TUSC3: variants seen among roughly 807,000 people sequenced by gnomAD.
The protein encoded by TUSC3 is tumor suppressor candidate 3, also known as dolichyl-diphosphooligosaccharide--protein glycosyltransferase subunit TUSC3.
In TUSC3, 45 loss-of-function variants were observed where a neutral mutation model predicts 44.8. The ratio of observed to expected loss-of-function variants is 1.00; its 90% confidence interval spans 0.79 to 1.29. The LOEUF is 1.29. Ranked by LOEUF, TUSC3 falls within the 50% of genes most tolerant of loss-of-function variation. The probability of loss-of-function intolerance (pLI) is 0.00; values close to 1 mark genes in which losing one functional copy is unlikely to be tolerated. For synonymous variants in TUSC3, 212 were observed against 152.9 expected, an observed-to-expected ratio of 1.39 and a Z score of -2.85; for missense variants, 519 against 437.9, an observed-to-expected ratio of 1.19 and a Z score of -1.65.
chr8:15,694,270 C>T (rs971258212), intron 6 of TUSC3, among the ~76,000 whole-genome samples: 4 of 151,830 alleles, frequency 2.6e-5, no homozygotes, highest in African/African-American at 7.3e-5. Flanking sequence ...TGGTGAAACC[C>T]TGTCTCTACT....
At chr8:15,588,197 C>A (rs550558156) in intron 1 of TUSC3, among the ~76,000 whole-genome samples, 4 of 152,084 alleles carry the variant, frequency 2.6e-5, no homozygotes, top group Non-Finnish European at 4.4e-5. Flanking sequence ...TATAAGAGTT[C>A]TGTTTTCTCC....
intron 6 of TUSC3, among the ~76,000 whole-genome samples, chr8:15,693,021 A>G (rs1808988345): frequency 6.6e-6 from 1 of 152,164 alleles, no homozygotes; most frequent in African/African-American, 2.4e-5. Flanking sequence ...ATTTTCCTCC[A>G]TCTCTTCACA....
At chr8:15,804,828 G>A in the TUSC3 span, among the ~76,000 whole-genome samples, 1 of 152,100 alleles carries the variant, frequency 6.6e-6, no homozygotes, top group Non-Finnish European at 1.5e-5. Context: ...GGTTCTATGT[G>A]AATTTTGAAC....
intron 2 of TUSC3, among the ~76,000 whole-genome samples, chr8:15,523,777 G>T (rs1801335784): frequency 6.8e-6 from 1 of 146,932 alleles, no homozygotes; most frequent in Non-Finnish European, 1.5e-5. Flanking sequence ...AAAAATAGAG[G>T]CAGGGCGCGG....
chr8:15,773,857 A>G, the TUSC3 span, among the ~76,000 whole-genome samples: 1 of 152,178 alleles, frequency 6.6e-6, no homozygotes, highest in Non-Finnish European at 1.5e-5. Flanking sequence ...CAAAACTAGG[A>G]TAAAGTTGGA....
chr8:15,839,905 C>G, the TUSC3 span, among the ~76,000 whole-genome samples: 1 of 152,194 alleles, frequency 6.6e-6, no homozygotes, highest in Non-Finnish European at 1.5e-5. Flanking sequence ...ATAAATCGTG[C>G]TGCTATAAAG....
At chr8:15,551,462 A>C (rs943845904) in intron 1 of TUSC3, among the ~76,000 whole-genome samples, 11 of 151,756 alleles carry the variant, frequency 7.2e-5, no homozygotes, top group African/African-American at 2.4e-4. Context: ...TAATTGAGTT[A>C]TATGATTCGT....
chr8:15,619,495 A>ACTT lies in TUSC3; in HGVS notation c.139-3585_139-3584insCTT, dbSNP rs138029370. Among the ~76,000 whole-genome samples, 4 of 146,896 alleles carry ACTT rather than the reference A, an allele frequency of 2.7e-5. No individual in the cohort carries two copies. In the South Asian group the frequency reaches 6.4e-4, roughly 23 times the overall value. On this transcript the variant is annotated intron_variant, in intron 1 of 10. Transcript: ENST00000503731. Reference sequence around the variant, plus strand: ...GTCTGGAAAGAGTTTTATTCCATATATTTTTTTTTTTTTCCAGTCGAAGTC... The same window carrying ACTT: ...GTCTGGAAAGAGTTTTATTCCATATACTTTTTTTTTTTTTTTCCAGTCGAAGTC...
At chr8:15,597,006 T>C (rs937907585) in intron 1 of TUSC3, among the ~76,000 whole-genome samples, 1 of 152,114 alleles carries the variant, frequency 6.6e-6, no homozygotes. Context: ...TAATTAGTTG[T>C]GGAAGGCTAA....
At chr8:15,524,892 C>T (rs544025018) in intron 2 of TUSC3, among the ~76,000 whole-genome samples, 2 of 152,286 alleles carry the variant, frequency 1.3e-5, no homozygotes, top group African/African-American at 4.8e-5. Flanking sequence ...TGTCACTCTT[C>T]TGTAACAGTG....
intron 3 of TUSC3, among the ~76,000 whole-genome samples, chr8:15,654,005 G>T (rs774939257): frequency 6.6e-6 from 1 of 152,128 alleles, no homozygotes; most frequent in Non-Finnish European, 1.5e-5. Context: ...GTGGGTTAAT[G>T]AATATGGTGT....
intron 1 of TUSC3, among the ~76,000 whole-genome samples, chr8:15,474,001 G>A (rs1382351932): frequency 6.6e-6 from 1 of 152,076 alleles, no homozygotes; most frequent in Non-Finnish European, 1.5e-5. Flanking sequence ...AACCACTTAA[G>A]ACCGGCACTC....
the TUSC3 span, among the ~76,000 whole-genome samples, chr8:15,782,964 T>C: frequency 6.6e-6 from 1 of 152,000 alleles, no homozygotes; most frequent in Non-Finnish European, 1.5e-5. Flanking sequence ...ATAAAAAAAA[T>C]ACTAAAGACT....
chr8:15,781,870 T>C, the TUSC3 span, among the ~76,000 whole-genome samples: 38 of 152,282 alleles, frequency 2.5e-4, no homozygotes, highest in African/African-American at 8.4e-4. Flanking sequence ...CGGTGGCTCA[T>C]GTCTGTAATC....
At chr8:15,690,167 C>T (rs892635592) in intron 6 of TUSC3, among the ~76,000 whole-genome samples, 1 of 152,076 alleles carries the variant, frequency 6.6e-6, no homozygotes, top group Non-Finnish European at 1.5e-5. Context: ...TCCACAATCT[C>T]GCCAAAATCT....
At chr8:15,461,820 T>TTG (rs1800349438) in intron 1 of TUSC3, among the ~76,000 whole-genome samples, 1 of 151,848 alleles carries the variant, frequency 6.6e-6, no homozygotes, top group South Asian at 2.1e-4. Context: ...AATAAAAGAT[T>TTG]TGTATATATA....
chr8:15,826,602 G>A, the TUSC3 span, among the ~76,000 whole-genome samples: 1 of 152,124 alleles, frequency 6.6e-6, no homozygotes, highest in African/African-American at 2.4e-5. Flanking sequence ...AAGGTAAAGT[G>A]CTGCTACCTT....
At chr8:15,836,169 T>C in the TUSC3 span, among the ~76,000 whole-genome samples, 4 of 151,896 alleles carry the variant, frequency 2.6e-5, no homozygotes, top group Non-Finnish European at 5.9e-5. Flanking sequence ...CAAAATGGTA[T>C]AATCACAAAG....
At chr8:15,524,150 G>GT (rs1048021785) in intron 2 of TUSC3, among the ~76,000 whole-genome samples, 2 of 151,282 alleles carry the variant, frequency 1.3e-5, no homozygotes, top group Admixed American at 1.3e-4. Context: ...TCCTAATACT[G>GT]TTTTTTTGCA....
Sources: allele counts gnomAD v4.1 joint callset (sites outside exome capture counted in the v4.1 genomes callset), GRCh38; gene constraint gnomAD v4.1.1; transcripts MANE v1.5; gene names NCBI Gene and HGNC (gene_info 2026-07-23, HGNC 2026-07-21).